The following CNKSR3 variants were observed in gnomAD, a reference collection of about 807,000 sequenced individuals.
CNKSR3 encodes the protein connector enhancer of kinase suppressor of ras 3.
A neutral mutation model predicts 67.7 loss-of-function variants in CNKSR3; 36 were observed. The ratio of observed to expected loss-of-function variants is 0.53; its 90% CI spans 0.41 to 0.70. The LOEUF is 0.70. Ranked by LOEUF, CNKSR3 falls within the 30% of genes least tolerant of loss-of-function variation. The pLI is 0.00. For synonymous variants in CNKSR3, 281 were observed against 271.4 expected (o/e 1.04, Z -0.35); for missense variants, 630 against 695.2 (o/e 0.91, Z 1.05).
intron 1 of CNKSR3, among the ~76,000 whole-genome samples, chr6:154,472,095 G>A (rs1786341961): frequency 6.6e-6 from 1 of 152,132 alleles, no homozygotes; most frequent in Non-Finnish European, 1.5e-5. Context: ...GGGCAGGCAA[G>A]CCCAGACAGC....
intron 1 of CNKSR3, among the ~76,000 whole-genome samples, chr6:154,497,937 C>T (rs1166294402): frequency 6.6e-6 from 1 of 152,200 alleles, no homozygotes; most frequent in African/African-American, 2.4e-5. Context: ...GGCACACTCC[C>T]TATTTTAGGT....
intron 1 of CNKSR3, chr6:154,478,620 C>T (rs1382808946): frequency 1.3e-5 from 2 of 152,224 alleles, no homozygotes; most frequent in African/African-American, 4.8e-5. Flanking sequence ...GAATGAAATG[C>T]ACATCCTCTT....
intron 4 of CNKSR3, among the ~76,000 whole-genome samples, chr6:154,434,996 C>CTTTTT (rs367990649): frequency 2.2e-5 from 3 of 136,702 alleles, no homozygotes; most frequent in African/African-American, 8.2e-5. Context: ...CTACAAATTC[C>CTTTTT]TTTTTTTTTT....
chr6:154,431,742 A>C (rs1785373380), intron 5 of CNKSR3, among the ~76,000 whole-genome samples: 1 of 152,216 alleles, frequency 6.6e-6, no homozygotes, highest in African/African-American at 2.4e-5. Context: ...AAAGTCAAAT[A>C]GTCAGAATTA....
At chr6:154,434,299 C>T (rs1785427472) in intron 4 of CNKSR3, among the ~76,000 whole-genome samples, 1 of 152,110 alleles carries the variant, frequency 6.6e-6, no homozygotes, top group African/African-American at 2.4e-5. Flanking sequence ...AGGATTTCAA[C>T]CTATACTGCA....
rs180678658 is a variant in CNKSR3 at position 154,467,966 on chromosome 6, A to G, written c.53-17708T>C. Among the ~76,000 whole-genome samples, 512 of 150,246 alleles carry G rather than the reference A, an allele frequency of 3.4e-3. 1 individual carries two copies. Among genetic ancestry groups the G allele is most frequent in the Non-Finnish European group, 5.3e-3 (360 of 67,750 alleles). ...GTAGAGACAGAGTTTTGTCATTTTG[A>G]CCAGGCTGGTCTCGAACTCCTGACC... On this transcript the variant is annotated intron_variant, in intron 1 of 12. Coordinates refer to ENST00000607772, the MANE Select transcript of CNKSR3 (RefSeq NM_173515.4).
At chr6:154,466,329 G>A (rs533743044) in intron 1 of CNKSR3, among the ~76,000 whole-genome samples, 1 of 152,280 alleles carries the variant, frequency 6.6e-6, no homozygotes, top group South Asian at 2.1e-4. Flanking sequence ...AGAAGGGCCA[G>A]TTCCCTTGGC....
chr6:154,425,417 G>A (rs936674895), intron 7 of CNKSR3, among the ~76,000 whole-genome samples: 1 of 152,214 alleles, frequency 6.6e-6, no homozygotes, highest in Non-Finnish European at 1.5e-5. Flanking sequence ...GGTAAAGAGA[G>A]AGCTTGGTAC....
At position 154,510,390 on chromosome 6, in the gene CNKSR3, G is replaced by A; in HGVS notation, c.-276C>T. ...GCACAGCTGCTGCTCCCGAGCGACG[G>A]CAGCTGCAGGCACGCCGGGCTGCGA... On this transcript the variant is annotated 5_prime_UTR_variant, in exon 1 of 13. Transcript: ENST00000607772. 2.0e-6 allele frequency: 1 copy of A among 501,234 alleles called. No homozygotes were observed. Among genetic ancestry groups the A allele is most frequent in the Non-Finnish European group, 3.5e-6 (1 of 285,334 alleles). The allele number at this position is 501,234 out of a possible 1,614,324, so 31.0% of individuals were successfully genotyped here.
chr6:154,426,282 C>A (rs1303474386), intron 7 of CNKSR3, among the ~76,000 whole-genome samples: 1 of 152,182 alleles, frequency 6.6e-6, no homozygotes, highest in Admixed American at 6.5e-5. Flanking sequence ...GGGAATATAT[C>A]ATTAATGGCA....
At chr6:154,426,030 T>C (rs1413037673) in intron 7 of CNKSR3, among the ~76,000 whole-genome samples, 1 of 152,236 alleles carries the variant, frequency 6.6e-6, no homozygotes, top group Non-Finnish European at 1.5e-5. Flanking sequence ...CTAGAAGACT[T>C]AGACTTACTT....
At chr6:154,502,749 C>T (rs1787024352) in intron 1 of CNKSR3, among the ~76,000 whole-genome samples, 1 of 152,148 alleles carries the variant, frequency 6.6e-6, no homozygotes, top group Admixed American at 6.5e-5. Flanking sequence ...CCTCAGAGCT[C>T]ATGAAAATAA....
chr6:154,437,366 C>T (rs75829992), intron 4 of CNKSR3, among the ~76,000 whole-genome samples: 38 of 151,140 alleles, frequency 2.5e-4, no homozygotes, highest in African/African-American at 6.8e-4. Flanking sequence ...TGTATCTGAG[C>T]GCACAGATGC....
intron 1 of CNKSR3, among the ~76,000 whole-genome samples, chr6:154,492,285 G>A (rs936368502): frequency 6.6e-6 from 1 of 152,102 alleles, no homozygotes; most frequent in African/African-American, 2.4e-5. Flanking sequence ...TAAAGGCTGC[G>A]ATGCCCTAGA....
intron 1 of CNKSR3, among the ~76,000 whole-genome samples, chr6:154,503,766 GCA>G (rs1787042428): frequency 6.6e-6 from 1 of 151,986 alleles, no homozygotes; most frequent in South Asian, 2.1e-4. Context: ...ATAAATATAA[GCA>G]CACACCGTAA....
In CNKSR3 at chr6:154,510,222, G is replaced by T; in HGVS notation, c.-108C>A. The T allele has an allele frequency of 7.5e-7, 1 of 1,327,154 alleles. No individual in the cohort carries two copies. The highest frequency in any genetic ancestry group is 1.1e-6 in the Non-Finnish European group (1 of 934,694). The allele number at this position is 1,327,154 out of a possible 1,614,324, so 82.2% of individuals were successfully genotyped here. Reference sequence around the variant, plus strand: ...GGCGCGCCCGCGGCTGCTCCCCTGCGCCCGAGCGACTCCGTCAAGACTGCA... The same window carrying T: ...GGCGCGCCCGCGGCTGCTCCCCTGCTCCCGAGCGACTCCGTCAAGACTGCA... On this transcript the variant is annotated 5_prime_UTR_variant, in exon 1 of 13. Transcript: ENST00000607772.
intron 1 of CNKSR3, among the ~76,000 whole-genome samples, chr6:154,465,573 G>A (rs1398991058): frequency 6.6e-6 from 1 of 152,118 alleles, no homozygotes; most frequent in Non-Finnish European, 1.5e-5. Flanking sequence ...CTCACACCAG[G>A]GGACTCACAT....
chr6:154,484,520 A>G (rs575241942), intron 1 of CNKSR3, among the ~76,000 whole-genome samples: 60 of 152,184 alleles, frequency 3.9e-4, no homozygotes, highest in African/African-American at 1.4e-3. Context: ...CCTGACCAAC[A>G]TGGTGAAACC....
At position 154,463,241 on chromosome 6, in the gene CNKSR3, T is replaced by C. The variant is rs909485646; in HGVS notation, c.53-12983A>G. ...CCCACCACCACGCCCGGCTAATTTTTTGTATTTTTAGTAGAGACAGGTTTT... is the reference window on the plus strand; with the variant it reads ...CCCACCACCACGCCCGGCTAATTTTCTGTATTTTTAGTAGAGACAGGTTTT... On this transcript the variant is annotated intron_variant, in intron 1 of 12. Coordinates refer to ENST00000607772, the MANE Select transcript of CNKSR3 (RefSeq NM_173515.4). Among the ~76,000 whole-genome samples the C allele has an allele frequency of 7.2e-5, 11 of 152,230 alleles. No homozygotes were observed. In the East Asian group the frequency reaches 2.1e-3, roughly 29 times the overall value.
Sources: allele counts gnomAD v4.1 joint callset (sites outside exome capture counted in the v4.1 genomes callset), GRCh38; gene constraint gnomAD v4.1.1; transcripts MANE v1.5; gene names NCBI Gene and HGNC (gene_info 2026-07-23, HGNC 2026-07-21).